The following KDR variants were observed in gnomAD, a reference collection of about 807,000 sequenced individuals.
The protein encoded by KDR is vascular endothelial growth factor receptor 2.
A neutral mutation model predicts 160.9 loss-of-function variants in KDR; 43 were observed. The observed-to-expected ratio is 0.27, with a 90% CI of 0.21 to 0.34. The LOEUF is 0.34. KDR is among the 10% of genes least tolerant of loss of function. The pLI is 1.00. For missense variants in KDR, 1,469 were observed against 1,666.4 expected (o/e 0.88, Z 2.06); for synonymous variants, 617 against 600.1 (o/e 1.03, Z -0.41).
chr4:55,108,454 T>C (rs994460420), intron 9 of KDR, among the ~76,000 whole-genome samples: 1 of 152,166 alleles, frequency 6.6e-6, no homozygotes, highest in East Asian at 1.9e-4. Flanking sequence ...CATGAATTCA[T>C]TCACTTAATC....
chr4:55,092,377 AG>A (rs1364366960), intron 22 of KDR: 2 of 512,164 alleles, frequency 3.9e-6, no homozygotes, highest in African/African-American at 3.9e-5. Flanking sequence ...CTCAGTGCTC[AG>A]AAGACTGCCT....
Position 55,110,415 on chromosome 4 carries a change from G to T in KDR, c.1243C>A (p.Leu415Met). 6.2e-7 allele frequency: 1 copy of T among 1,614,008 alleles called. No homozygotes were observed. Among genetic ancestry groups the T allele is most frequent in the Non-Finnish European group, 8.5e-7 (1 of 1,179,936 alleles). The part of the protein sequence containing the change: ...SKEKQSHVVS[L>M]VVYVPPQIGE... ...TGAATGGACTCACCATACACAACCA[G>T]AGAGACCACATGGCTCTGCTTCTCC... The change falls in exon 9 of 30, where the codon CTG becomes ATG. Residue 415 changes from leucine to methionine, a missense_variant. This residue lies in a region of KDR where 792 missense variants were observed against 840.9 expected (regional missense o/e 0.94). Transcript: ENST00000263923.
intron 3 of KDR, among the ~76,000 whole-genome samples, chr4:55,115,677 T>C (rs530610312): frequency 6.6e-6 from 1 of 152,182 alleles, no homozygotes; most frequent in Non-Finnish European, 1.5e-5. Context: ...CCAATTGAGA[T>C]TGACTCCTTT....
intron 21 of KDR, among the ~76,000 whole-genome samples, chr4:55,094,363 G>A (rs1376942735): frequency 6.6e-6 from 1 of 152,148 alleles, no homozygotes; most frequent in Non-Finnish European, 1.5e-5. Flanking sequence ...ACAACAGATG[G>A]CTCCTAAACT....
intron 15 of KDR, among the ~76,000 whole-genome samples, chr4:55,101,571 G>A (rs979945713): frequency 6.6e-6 from 1 of 152,044 alleles, no homozygotes; most frequent in Non-Finnish European, 1.5e-5. Flanking sequence ...ATGTGCCATG[G>A]TGATTTGCTG....
chr4:55,124,305 G>A (rs1268018861), intron 1 of KDR, among the ~76,000 whole-genome samples: 1 of 152,014 alleles, frequency 6.6e-6, no homozygotes, highest in Non-Finnish European at 1.5e-5. Context: ...CTGCAGGAAA[G>A]AAATATTATC....
Position 55,114,868 on chromosome 4 carries a change from T to C in KDR, c.658+6A>G, listed in dbSNP as rs1720693218. The C allele has an allele frequency of 1.2e-6, 2 of 1,609,602 alleles. No individual in the cohort carries two copies. Among genetic ancestry groups the C allele is most frequent in the South Asian group, 1.1e-5 (1 of 91,002 alleles). On this transcript the variant is annotated splice_donor_region_variant and intron_variant, in intron 5 of 29. Transcript: ENST00000263923. ...TTAATGATATGGAAAGGAAATGTCC[T>C]CTTACCTACAACGACAACTATGTAC...
intron 3 of KDR, among the ~76,000 whole-genome samples, chr4:55,117,728 G>A (rs528920847): frequency 5.9e-5 from 9 of 152,252 alleles, no homozygotes; most frequent in African/African-American, 1.9e-4. Flanking sequence ...AGGCATATAC[G>A]TAAATACATA....
rs113121239 is a variant in KDR, at chr4:55,110,542, C to T, written c.1116G>A (p.Glu372=). The T allele has an allele frequency of 1.2e-6, 2 of 1,613,794 alleles. No homozygotes were observed. Among genetic ancestry groups the T allele is most frequent in the African/African-American group, 2.7e-5 (2 of 74,862 alleles). The change falls in exon 9 of 30, where the codon GAG becomes GAA. Residue 372 remains glutamate (E), a synonymous_variant. Coordinates refer to ENST00000263923, the MANE Select transcript of KDR (RefSeq NM_002253.4). ...GCCCCGCTTTAATTGTGTGATTGGA[C>T]TCAAGGGGTATTCCATTTTTATACC... The part of the protein sequence containing the change: ...IKWYKNGIPL[E]SNHTIKAGHV...
At position 55,121,111 on chromosome 4, in the gene KDR, A is replaced by G. The variant is rs750465126; in HGVS notation, c.147T>C (p.Leu49=). 1.2e-6 allele frequency: 2 copies of G among 1,610,882 alleles called. No individual in the cohort carries two copies. Among genetic ancestry groups the G allele is most frequent in the Non-Finnish European group, 1.7e-6 (2 of 1,177,174 alleles). The change falls in exon 2 of 30, where the codon CTT becomes CTC. Residue 49 remains leucine (L), a synonymous_variant. Coordinates refer to ENST00000263923, the MANE Select transcript of KDR (RefSeq NM_002253.4). ...DILTIKANTT[L]QITCRGQRDL... The stretch of plus-strand genomic sequence containing the variant: ...TGAATCCTTACCTGCAAGTAATTTG[A>G]AGAGTTGTATTAGCCTTAATTGTAA...
At position 55,087,756 on chromosome 4, in the gene KDR, A is replaced by C. The variant is rs146738218; in HGVS notation, c.3513T>G (p.Asp1171Glu). The C allele has an allele frequency of 4.3e-6, 7 of 1,614,032 alleles. No individual in the cohort carries two copies. The highest frequency in any genetic ancestry group is 1.7e-6 in the Non-Finnish European group (2 of 1,180,002). ...GNLLQANAQQ[D>E]GKDYIVLPIS... ...TCGGAAGAACAATGTAGTCTTTGCC[A>C]TCCTGAAACAATAAACACAGAAGAC... The change falls in exon 27 of 30, where the codon GAT (aspartate) becomes GAG (glutamate). Residue 1171 changes from aspartate to glutamate, a missense_variant and splice_region_variant. By Grantham distance (45) the Asp-to-Glu change is conservative (BLOSUM62 2). Around this residue, in one of 7 missense-constraint regions of KDR, gnomAD observed 132 missense variants for 195.9 expected, o/e 0.67. Transcript: ENST00000263923.
intron 5 of KDR, 74 bp from the exon 6 acceptor site, chr4:55,114,339 T>A: frequency 2.0e-6 from 3 of 1,493,372 alleles, no homozygotes; most frequent in Non-Finnish European, 2.8e-6. Flanking sequence ...ATTTATTTTT[T>A]AAAGTAATGC....
chr4:55,101,854 T>C (rs1720318000), intron 15 of KDR, 43 bp downstream of exon 15: 1 of 1,519,998 alleles, frequency 6.6e-7, no homozygotes, highest in East Asian at 2.3e-5. Context: ...CTGCATAGCA[T>C]TCCATGGTGT....
rs985164563 is a variant in KDR, at chr4:55,088,328, G to A, written c.3510+540C>T. On this transcript the variant is annotated intron_variant, in intron 26 of 29. Coordinates refer to ENST00000263923, the MANE Select transcript of KDR (RefSeq NM_002253.4). ...TTGATAAAAATAGAGCTGACCTATC[G>A]TCCCCCAGCTGTTCAAAAGAAAAGA... 1.1e-4 allele frequency among the ~76,000 whole-genome samples: 17 copies of A among 152,232 alleles called. No individual in the cohort carries two copies. In the East Asian group the frequency reaches 1.9e-3, roughly 17 times the overall value.
chr4:55,092,761 G>C, intron 21 of KDR, 47 bp from the exon 22 acceptor site: 1 of 1,315,092 alleles, frequency 7.6e-7, no homozygotes, highest in South Asian at 1.2e-5. Context: ...CCATGAGTTA[G>C]TGTGATGTTT....
intron 2 of KDR, 48 bp downstream of exon 2, chr4:55,121,049 C>T (rs1720859085): frequency 7.9e-7 from 1 of 1,269,696 alleles, no homozygotes; most frequent in Non-Finnish European, 1.2e-6. Flanking sequence ...ACTCAATAAA[C>T]AATCAGTTAC....
At position 55,097,586 on chromosome 4, in the gene KDR, A is replaced by G. The variant is rs1578131701; in HGVS notation, c.2614+76T>C. On this transcript the variant is annotated intron_variant, in intron 18 of 29. Coordinates refer to ENST00000263923, the MANE Select transcript of KDR (RefSeq NM_002253.4). ...AGTAGGCCCACATAAGCACAAAGCT[A>G]CTGATACAAGCCTTGCAACATATTT... The G allele has an allele frequency of 4.2e-6, 4 of 963,412 alleles. No individual in the cohort carries two copies. The East Asian group carries it at 9.6e-5, about 23-fold the overall frequency. 59.7% of individuals were successfully genotyped at this position (963,412 alleles called of 1,614,324 possible).
intron 3 of KDR, among the ~76,000 whole-genome samples, 181 bp from the exon 4 acceptor site, chr4:55,115,592 A>T (rs1342697998): frequency 6.6e-6 from 1 of 150,990 alleles, no homozygotes; most frequent in Admixed American, 6.6e-5. Flanking sequence ...GTGTGTGTGT[A>T]TGTGTGTGTG....
chr4:55,124,184 G>C (rs1286095485), intron 1 of KDR, among the ~76,000 whole-genome samples: 1 of 152,090 alleles, frequency 6.6e-6, no homozygotes, highest in Non-Finnish European at 1.5e-5. Context: ...TCTTGTCTTA[G>C]GGAGTAAGAA....
Sources: gnomAD v4.1 joint callset for allele counts (sites outside exome capture counted in the v4.1 genomes callset) on GRCh38, gnomAD v4.1.1 for gene constraint, gnomAD v4.1.1 regional missense constraint, MANE v1.5 for transcripts, NCBI Gene and HGNC (gene_info 2026-07-23, HGNC 2026-07-21) for gene names.